Variants in DIP2B observed in about 807,000 individuals in gnomAD.
The protein encoded by DIP2B is DIP2 acetate--CoA ligase B (putative).
DIP2B carries 76 observed loss-of-function variants against 198.0 expected under a neutral mutation model. The observed-to-expected ratio is 0.38, with a 90% CI of 0.32 to 0.46. The LOEUF is 0.46. Ranked by LOEUF, DIP2B falls within the 20% of genes least tolerant of loss-of-function variation. DIP2B has a pLI of 0.99. For synonymous variants in DIP2B, 701 were observed against 739.1 expected, an observed-to-expected ratio of 0.95 and a Z score of 0.84; for missense variants, 1,559 against 1,978.4, an observed-to-expected ratio of 0.79 and a Z score of 4.02.
intron 1 of DIP2B, among the ~76,000 whole-genome samples, chr12:50,528,358 T>C (rs918822866): frequency 2.7e-5 from 4 of 150,164 alleles, no homozygotes; most frequent in African/African-American, 9.8e-5. Context: ...AAGTATACTT[T>C]GGGAGGCTGA....
chr12:50,635,759 G>T (rs1363521985), intron 2 of DIP2B, among the ~76,000 whole-genome samples: 1 of 152,172 alleles, frequency 6.6e-6, no homozygotes, highest in African/African-American at 2.4e-5. Context: ...GTAAGTATAT[G>T]AAGATAATGA....
chr12:50,587,122 G>A (rs1958778334), intron 1 of DIP2B, among the ~76,000 whole-genome samples: 2 of 152,002 alleles, frequency 1.3e-5, no homozygotes, highest in African/African-American at 4.8e-5. Context: ...CTGCTCTTAG[G>A]TTCCTTTCAC....
At chr12:50,714,987 A>C (rs1939688408) in intron 23 of DIP2B, among the ~76,000 whole-genome samples, 1 of 152,218 alleles carries the variant, frequency 6.6e-6, no homozygotes, top group African/African-American at 2.4e-5. Flanking sequence ...CCCGGAGGCA[A>C]ACATATCCTT....
intron 1 of DIP2B, among the ~76,000 whole-genome samples, chr12:50,555,196 G>A (rs948131617): frequency 1.3e-5 from 2 of 152,138 alleles, no homozygotes. Flanking sequence ...TGTAGGGTGA[G>A]GAAAAGACAT....
intron 12 of DIP2B, among the ~76,000 whole-genome samples, chr12:50,689,606 T>C (rs1039980834): frequency 4.6e-5 from 7 of 152,122 alleles, no homozygotes; most frequent in Non-Finnish European, 1.0e-4. Flanking sequence ...AGGAAGAGTT[T>C]CCAGGGGCAG....
intron 1 of DIP2B, among the ~76,000 whole-genome samples, chr12:50,530,086 A>AT (rs984706054): frequency 1.3e-5 from 2 of 150,142 alleles, no homozygotes; most frequent in Admixed American, 1.3e-4. Flanking sequence ...CATCACTTTC[A>AT]TTTTTTTTGA....
At chr12:50,592,563 C>T (rs1330317991) in intron 1 of DIP2B, among the ~76,000 whole-genome samples, 4 of 151,798 alleles carry the variant, frequency 2.6e-5, no homozygotes, top group South Asian at 2.1e-4. Context: ...CTGCAACCTC[C>T]GCCTCCTGAG....
chr12:50,682,408 G>A (rs996181904), intron 9 of DIP2B, among the ~76,000 whole-genome samples: 6 of 152,188 alleles, frequency 3.9e-5, no homozygotes, highest in Admixed American at 6.5e-5. Context: ...GGCAGATCAC[G>A]AGGTCAGGAG....
At chr12:50,603,125 C>G (rs2139444789) in intron 1 of DIP2B, among the ~76,000 whole-genome samples, 1 of 151,258 alleles carries the variant, frequency 6.6e-6, no homozygotes, top group East Asian at 1.9e-4. Context: ...GGTTCGGCCA[C>G]TGCACTCCAG....
rs1939351877 is a variant in DIP2B, at chr12:50,698,192, A to C, written c.2049-136A>C. ...GGTGTGAGACACCACACCCAGCTCT[A>C]ATTTGGCATATTTTTGGGAGAGAAA... On this transcript the variant is annotated intron_variant, in intron 17 of 37. Coordinates refer to ENST00000301180, the MANE Select transcript of DIP2B (RefSeq NM_173602.3). The C allele has an allele frequency of 3.7e-6, 4 of 1,090,626 alleles. No individual in the cohort carries two copies. In the Admixed American group the frequency reaches 1.1e-4, roughly 31 times the overall value. 67.6% of individuals were successfully genotyped at this position (1,090,626 alleles called of 1,614,324 possible). A position where few individuals can be genotyped will look rare whatever the true frequency, so the allele number is the denominator to read the frequency against.
intron 1 of DIP2B, among the ~76,000 whole-genome samples, chr12:50,517,745 A>T (rs1241526096): frequency 6.6e-6 from 1 of 152,038 alleles, no homozygotes; most frequent in Non-Finnish European, 1.5e-5. Context: ...TTGCACTTCC[A>T]TGAATGCACT....
intron 1 of DIP2B, among the ~76,000 whole-genome samples, chr12:50,548,123 G>T (rs1046713147): frequency 1.1e-4 from 17 of 152,040 alleles, no homozygotes; most frequent in African/African-American, 3.6e-4. Flanking sequence ...TAGGAAAAAC[G>T]CATTGATTTT....
intron 3 of DIP2B, among the ~76,000 whole-genome samples, chr12:50,642,015 A>C (rs1280881405): frequency 2.6e-5 from 4 of 152,184 alleles, no homozygotes; most frequent in Non-Finnish European, 5.9e-5. Context: ...TGCTTTAGAG[A>C]AAATGAGAAA....
chr12:50,630,742 G>A (rs1938035146), intron 2 of DIP2B, among the ~76,000 whole-genome samples: 1 of 143,834 alleles, frequency 7.0e-6, no homozygotes, highest in Non-Finnish European at 1.5e-5. Flanking sequence ...CGTGATCTCG[G>A]CTCACTGCAA....
At chr12:50,529,714 C>T (rs957147565) in intron 1 of DIP2B, among the ~76,000 whole-genome samples, 1 of 151,792 alleles carries the variant, frequency 6.6e-6, no homozygotes, top group South Asian at 2.1e-4. Flanking sequence ...CAAAAAGTAG[C>T]CGGGTGTGGT....
chr12:50,562,624 T>C (rs1483170442), intron 1 of DIP2B, among the ~76,000 whole-genome samples: 1 of 151,704 alleles, frequency 6.6e-6, no homozygotes, highest in Non-Finnish European at 1.5e-5. Flanking sequence ...TCTCAGCTAC[T>C]GGAGAGGCTG....
intron 1 of DIP2B, among the ~76,000 whole-genome samples, chr12:50,523,220 G>A (rs1223772539): frequency 6.6e-6 from 1 of 152,162 alleles, no homozygotes; most frequent in Non-Finnish European, 1.5e-5. Context: ...GTATTTGCAT[G>A]TAACGTAAGC....
intron 2 of DIP2B, among the ~76,000 whole-genome samples, chr12:50,640,513 T>C (rs534058540): frequency 1.1e-4 from 16 of 152,346 alleles, no homozygotes; most frequent in African/African-American, 3.1e-4. Context: ...TCCTCTCCTA[T>C]CAACCTGTTG....
chr12:50,551,746 A>G (rs1458745054), intron 1 of DIP2B, among the ~76,000 whole-genome samples: 2 of 152,156 alleles, frequency 1.3e-5, no homozygotes, highest in Non-Finnish European at 2.9e-5. Context: ...ACCTGGCCCA[A>G]TGTCCTTCCT....
Sources: gnomAD v4.1 joint callset for allele counts (sites outside exome capture counted in the v4.1 genomes callset) on GRCh38, gnomAD v4.1.1 for gene constraint, MANE v1.5 for transcripts, NCBI Gene and HGNC (gene_info 2026-07-23, HGNC 2026-07-21) for gene names.